Variants in HAS3 observed in about 807,000 individuals in gnomAD.
HAS3 encodes the protein hyaluronan synthase 3.
HAS3 carries 27 observed loss-of-function variants against 50.3 expected under a neutral mutation model. That is an observed-to-expected ratio of 0.54 (90% confidence interval 0.40 to 0.74). The LOEUF (loss-of-function observed/expected upper bound fraction) is 0.74, where lower values mean the gene tolerates loss of function less well. HAS3 is among the 30% of genes least tolerant of loss of function. The probability of loss-of-function intolerance (pLI) is 0.00; values close to 1 mark genes in which losing one functional copy is unlikely to be tolerated. For missense variants in HAS3, 517 were observed against 742.8 expected, an observed-to-expected ratio of 0.70 and a Z score of 3.53; for synonymous variants, 339 against 310.9, an observed-to-expected ratio of 1.09 and a Z score of -0.95.
At chr16:69,098,579 T>C in the HAS3 span, among the ~76,000 whole-genome samples, 2 of 151,812 alleles carry the variant, frequency 1.3e-5, no homozygotes, top group South Asian at 2.1e-4. Context: ...GTTTTACTTA[T>C]TAATAGAAAT....
At chr16:69,101,777 A>G, upstream of HAS3, among the ~76,000 whole-genome samples, 1 of 150,590 alleles carries the variant, frequency 6.6e-6, no homozygotes, top group Non-Finnish European at 1.5e-5. Flanking sequence ...TGTACAGTTT[A>G]TACTTGTACT....
At chr16:69,101,848 G>A (rs1052183695), upstream of HAS3, among the ~76,000 whole-genome samples, 2 of 151,356 alleles carry the variant, frequency 1.3e-5, no homozygotes, top group East Asian at 1.9e-4. Flanking sequence ...GCAGTGGCAC[G>A]ATCTCGGCTC....
chr16:69,099,778 T>C, the HAS3 span, among the ~76,000 whole-genome samples: 1 of 152,084 alleles, frequency 6.6e-6, no homozygotes, highest in Non-Finnish European at 1.5e-5. Flanking sequence ...AGCTGCACAA[T>C]ATTCCACTAA....
rs1481662298 is a variant in HAS3 at position 69,115,459 on chromosome 16, T to A, written c.*193T>A. Reference sequence around the variant, plus strand: ...CTCTGTTTAGAGGAGGCAACACTGATCCCCCAGATGCAGGGCTGCAGGGGA... The same window carrying A: ...CTCTGTTTAGAGGAGGCAACACTGAACCCCCAGATGCAGGGCTGCAGGGGA... On this transcript the variant is annotated 3_prime_UTR_variant, in exon 4 of 4. Coordinates refer to ENST00000569188, the MANE Select transcript of HAS3 (RefSeq NM_001199280.2). 3 of 1,286,418 alleles carry A rather than the reference T, an allele frequency of 2.3e-6. No homozygotes were observed. The African/African-American group carries it at 4.5e-5, about 19-fold the overall frequency. The allele number at this position is 1,286,418 out of a possible 1,614,324, so 79.7% of individuals were successfully genotyped here. A position where few individuals can be genotyped will look rare whatever the true frequency, so the allele number is the denominator to read the frequency against.
Position 69,115,025 on chromosome 16 carries a change from T to C in HAS3, c.1421T>C (p.Ile474Thr), listed in dbSNP as rs776192054. ...SGWGTSGRKTIVVNFIGLIPV... is the reference protein window; with the variant it reads ...SGWGTSGRKTTVVNFIGLIPV... ...TGGGGCACCTCTGGCCGAAAAACCATTGTGGTGAACTTCATTGGCCTCATT... is the reference window on the plus strand; with the variant it reads ...TGGGGCACCTCTGGCCGAAAAACCACTGTGGTGAACTTCATTGGCCTCATT... The change falls in exon 4 of 4, where the codon ATT (isoleucine) becomes ACT (threonine). Residue 474 changes from isoleucine (I) to threonine (T), a missense_variant. Ile to Thr is a moderately conservative substitution (Grantham distance 89). Transcript: ENST00000569188. 1 of 1,614,112 alleles carries C rather than the reference T, an allele frequency of 6.2e-7. No individual in the cohort carries two copies.
chr16:69,090,654 A>G, the HAS3 span, among the ~76,000 whole-genome samples: 2 of 151,420 alleles, frequency 1.3e-5, no homozygotes, highest in African/African-American at 4.9e-5. Flanking sequence ...AGCAACCTCT[A>G]CCTCCCGGGT....
Position 69,116,347 on chromosome 16 carries a change from G to T in HAS3, c.*1081G>T. 2 of 985,850 alleles carry T rather than the reference G, an allele frequency of 2.0e-6. No homozygotes were observed. The highest frequency in any genetic ancestry group is 2.4e-6 in the Non-Finnish European group (2 of 829,930). 61.1% of individuals were successfully genotyped at this position (985,850 alleles called of 1,614,324 possible). Reference sequence around the variant, plus strand: ...GCAAGCGTGTTCTCAGCACATATGGGAACTATGAGGAGCCTCTGATCAAAT... The same window carrying T: ...GCAAGCGTGTTCTCAGCACATATGGTAACTATGAGGAGCCTCTGATCAAAT... On this transcript the variant is annotated 3_prime_UTR_variant, in exon 4 of 4. Coordinates refer to ENST00000569188, the MANE Select transcript of HAS3 (RefSeq NM_001199280.2).
chr16:69,115,268 A>T lies in HAS3; in HGVS notation c.*2A>T. On this transcript the variant is annotated 3_prime_UTR_variant, in exon 4 of 4. Coordinates refer to ENST00000569188, the MANE Select transcript of HAS3 (RefSeq NM_001199280.2). ...AGCTTGGCTTTTGCTGAGGTGTGAC[A>T]TGGCCCCCAAGCAGAGCGGGTAAAG... The T allele has an allele frequency of 6.6e-7, 1 of 1,512,794 alleles. No homozygotes were observed. Among genetic ancestry groups the T allele is most frequent in the Non-Finnish European group, 8.8e-7 (1 of 1,132,336 alleles). 93.7% of individuals were successfully genotyped at this position (1,512,794 alleles called of 1,614,324 possible).
At chr16:69,099,732 A>G in the HAS3 span, among the ~76,000 whole-genome samples, 1 of 152,220 alleles carries the variant, frequency 6.6e-6, no homozygotes, top group African/African-American at 2.4e-5. Flanking sequence ...TGTCTGGAGT[A>G]TTCCTCCATT....
rs1597099962 is a variant in HAS3 at position 69,115,184 on chromosome 16, T to C, written c.1580T>C (p.Leu527Pro). The C allele has an allele frequency of 1.3e-6, 2 of 1,585,404 alleles. No individual in the cohort carries two copies. The highest frequency in any genetic ancestry group is 1.7e-6 in the Non-Finnish European group (2 of 1,164,986). The change falls in exon 4 of 4, where the codon CTC (leucine) becomes CCC (proline). Residue 527 changes from leucine (L) to proline (P), a missense_variant. Transcript: ENST00000569188. ...AILYGCYWVA[L>P]LMLYLAIIAR... The stretch of plus-strand genomic sequence containing the variant: ...CTGTATGGCTGCTACTGGGTGGCCC[T>C]CCTCATGCTATATCTGGCCATCATC...
chr16:69,092,431 C>T, the HAS3 span, among the ~76,000 whole-genome samples: 4 of 151,734 alleles, frequency 2.6e-5, no homozygotes, highest in Non-Finnish European at 5.9e-5. Flanking sequence ...AGTGAAACAC[C>T]GTCTCTACTA....
In HAS3 at chr16:69,107,310, A is replaced by C. The variant is rs1425275584; in HGVS notation, c.-1+1523A>C. On this transcript the variant is annotated intron_variant, in intron 1 of 3. Transcript: ENST00000569188. This position sits in a 1 kb window ranked among gnomAD's most constrained non-coding sequence, Gnocchi z 5.5. Reference sequence around the variant, plus strand: ...GTAATGCCTCTAATTCCTGCGGGGGAGGGGTCCCGCCCAGGGAAGGAGAGG... The same window carrying C: ...GTAATGCCTCTAATTCCTGCGGGGGCGGGGTCCCGCCCAGGGAAGGAGAGG... The C allele has an allele frequency of 2.0e-6, 2 of 978,338 alleles. No individual in the cohort carries two copies. The highest frequency in any genetic ancestry group is 2.3e-4 in the East Asian group (2 of 8,718). 60.6% of individuals were successfully genotyped at this position (978,338 alleles called of 1,614,324 possible). A position where few individuals can be genotyped will look rare whatever the true frequency, so the allele number is the denominator to read the frequency against.
intron 2 of HAS3, among the ~76,000 whole-genome samples, chr16:69,110,552 C>G (rs1299399059): frequency 6.6e-6 from 1 of 152,154 alleles, no homozygotes; most frequent in Admixed American, 6.5e-5. Context: ...CTAGTAACTG[C>G]GATTACAGGC....
upstream of HAS3, among the ~76,000 whole-genome samples, chr16:69,104,811 G>T: frequency 6.6e-6 from 1 of 152,046 alleles, no homozygotes; most frequent in Non-Finnish European, 1.5e-5. Flanking sequence ...GGGGACTGAG[G>T]TGTGAGGTCT....
the HAS3 span, among the ~76,000 whole-genome samples, chr16:69,097,882 T>C: frequency 4.6e-5 from 7 of 152,188 alleles, no homozygotes; most frequent in Non-Finnish European, 1.0e-4. Context: ...GGCATAGCTC[T>C]GCAGACTCCG....
At chr16:69,094,618 A>G in the HAS3 span, among the ~76,000 whole-genome samples, 1 of 152,148 alleles carries the variant, frequency 6.6e-6, no homozygotes, top group Non-Finnish European at 1.5e-5. Flanking sequence ...CAGACCCCTC[A>G]TGAGTCTCTA....
At chr16:69,100,812 A>T (rs1246097278), upstream of HAS3, among the ~76,000 whole-genome samples, 7 of 152,172 alleles carry the variant, frequency 4.6e-5, no homozygotes, top group Non-Finnish European at 4.4e-5. Flanking sequence ...GTTACCTCCA[A>T]CCTGCTAAAG....
In HAS3 at chr16:69,115,692, ACT is replaced by A; in HGVS notation, c.*427_*428del. 1 of 992,090 alleles carries A rather than the reference ACT, an allele frequency of 1.0e-6. No homozygotes were observed. The highest frequency in any genetic ancestry group is 1.2e-6 in the Non-Finnish European group (1 of 834,698). 61.5% of individuals were successfully genotyped at this position (992,090 alleles called of 1,614,324 possible). On this transcript the variant is annotated 3_prime_UTR_variant, in exon 4 of 4. Transcript: ENST00000569188. ...AACCAGAGGTGGCAGGAGAATTTCT[ACT>A]GAGCGAGCTGGGCCGGTTAGTGTAT... is the stretch of plus-strand genomic sequence containing the variant.
the HAS3 span, among the ~76,000 whole-genome samples, chr16:69,093,523 C>CTT: frequency 9.7e-3 from 848 of 87,370 alleles, 2 homozygotes; most frequent in African/African-American, 0.013. Context: ...TACAGTGTAT[C>CTT]TTTTTTTTTT....
Sources: allele counts gnomAD v4.1 joint callset (sites outside exome capture counted in the v4.1 genomes callset), GRCh38; gene constraint gnomAD v4.1.1; non-coding constraint Gnocchi (gnomAD v3.1); transcripts MANE v1.5; gene names NCBI Gene and HGNC (gene_info 2026-07-23, HGNC 2026-07-21).